The following TYW1B variants were observed in gnomAD, a reference collection of about 807,000 sequenced individuals.
TYW1B encodes the protein S-adenosyl-L-methionine-dependent tRNA 4-demethylwyosine synthase TYW1B.
In TYW1B, 73 loss-of-function variants were observed where a neutral mutation model predicts 86.9. The observed-to-expected ratio is 0.84, with a 90% CI of 0.70 to 1.02. TYW1B has a LOEUF of 1.02. TYW1B is among the 50% of genes least tolerant of loss of function. The pLI is 0.00. For synonymous variants in TYW1B, 248 were observed against 292.8 expected, an observed-to-expected ratio of 0.85 and a Z score of 1.56; for missense variants, 637 against 827.4, an observed-to-expected ratio of 0.77 and a Z score of 2.82.
intron 13 of TYW1B, among the ~76,000 whole-genome samples, chr7:72,615,874 A>T (rs1344491735): frequency 1.3e-5 from 2 of 152,140 alleles, no homozygotes; most frequent in Non-Finnish European, 2.9e-5. Context: ...CTGGAAGATG[A>T]ATCAATAGAA....
At chr7:72,711,470 A>ATTTT (rs1786660933) in intron 10 of TYW1B, among the ~76,000 whole-genome samples, 10 of 45,604 alleles carry the variant, frequency 2.2e-4, no homozygotes, top group East Asian at 4.9e-4. Flanking sequence ...CTCCTCTTTA[A>ATTTT]TTCTTTTTTT....
chr7:72,632,412 C>T (rs1455735220), intron 11 of TYW1B, among the ~76,000 whole-genome samples: 10 of 80,746 alleles, frequency 1.2e-4, no homozygotes, highest in African/African-American at 5.4e-4. Flanking sequence ...TATATATATA[C>T]ATATATATAT....
intron 11 of TYW1B, among the ~76,000 whole-genome samples, chr7:72,657,549 A>T (rs1484621956): frequency 6.6e-6 from 1 of 152,202 alleles, no homozygotes; most frequent in East Asian, 1.9e-4. Context: ...AAGGCACACT[A>T]TAGTCAAGCT....
chr7:72,643,719 A>G (rs1296287347), intron 11 of TYW1B, among the ~76,000 whole-genome samples: 5 of 152,248 alleles, frequency 3.3e-5, no homozygotes, highest in Non-Finnish European at 7.3e-5. Flanking sequence ...AGGGGCAGTT[A>G]CACAAAGTCA....
chr7:72,694,759 C>T lies in TYW1B; in HGVS notation c.1434G>A (p.Lys478=), dbSNP rs1814272580. 6.2e-7 allele frequency: 1 copy of T among 1,611,534 alleles called. No homozygotes were observed. Among genetic ancestry groups the T allele is most frequent in the Non-Finnish European group, 8.5e-7 (1 of 1,179,046 alleles). The change falls in exon 11 of 14, where the codon AAG becomes AAA. Residue 478 remains lysine (K), a synonymous_variant. Transcript: ENST00000620995. ...CCTTGAAGAGTGGGCGGTCGATTTT[C>T]TTCAGGCTGTCTTTGGTACTGGCAT... ...SVDASTKDSL[K]KIDRPLFKDF...
chr7:72,576,197 C>T (rs1347233612), intron 13 of TYW1B, among the ~76,000 whole-genome samples: 2 of 152,204 alleles, frequency 1.3e-5, no homozygotes, highest in African/African-American at 2.4e-5. Context: ...AACTAAATGA[C>T]TCAAACTAGC....
intron 7 of TYW1B, among the ~76,000 whole-genome samples, chr7:72,763,801 T>C (rs533600400): frequency 4.6e-5 from 7 of 152,318 alleles, no homozygotes; most frequent in African/African-American, 1.4e-4. Flanking sequence ...GTTAGGCCCC[T>C]GAAAAGCTTC....
intron 11 of TYW1B, among the ~76,000 whole-genome samples, chr7:72,650,874 G>A (rs1453485636): frequency 1.3e-5 from 2 of 152,116 alleles, no homozygotes; most frequent in Admixed American, 1.3e-4. Flanking sequence ...AAAATAAATG[G>A]AAGACATGGC....
chr7:72,798,463 T>G (rs1324938199), intron 6 of TYW1B, among the ~76,000 whole-genome samples: 1 of 152,038 alleles, frequency 6.6e-6, no homozygotes, highest in Admixed American at 6.6e-5. Flanking sequence ...TTAATGCATA[T>G]CAATCCACCA....
At chr7:72,701,170 T>G (rs1418732561) in intron 10 of TYW1B, among the ~76,000 whole-genome samples, 2 of 152,340 alleles carry the variant, frequency 1.3e-5, no homozygotes, top group Middle Eastern at 3.4e-3. Flanking sequence ...TAGGCTTCCT[T>G]GTAGATGGAT....
At chr7:72,765,376 G>A (rs782453441) in intron 7 of TYW1B, among the ~76,000 whole-genome samples, 4 of 152,116 alleles carry the variant, frequency 2.6e-5, no homozygotes, top group Admixed American at 6.6e-5. Flanking sequence ...TGTTATCTAC[G>A]TGTAGACTGG....
At chr7:72,708,611 T>C (rs1475587777) in intron 10 of TYW1B, among the ~76,000 whole-genome samples, 2 of 152,238 alleles carry the variant, frequency 1.3e-5, no homozygotes, top group African/African-American at 2.4e-5. Flanking sequence ...TGTGTCCTAT[T>C]AGTTAATCTA....
chr7:72,675,550 TATATATACACAC>T (rs1332992861), intron 11 of TYW1B, among the ~76,000 whole-genome samples: 2 of 149,246 alleles, frequency 1.3e-5, no homozygotes, highest in Non-Finnish European at 3.0e-5. Flanking sequence ...TATATATATA[TATATATACACAC>T]ATATATATAT....
chr7:72,641,649 T>C (rs565577046), intron 11 of TYW1B, among the ~76,000 whole-genome samples: 2 of 152,258 alleles, frequency 1.3e-5, no homozygotes, highest in East Asian at 3.9e-4. Flanking sequence ...AAGGGACTGG[T>C]TTACGAGGTA....
In TYW1B at chr7:72,810,466, C is replaced by T. The variant is rs782188365; in HGVS notation, c.432+5G>A. On this transcript the variant is annotated splice_donor_5th_base_variant and intron_variant, in intron 4 of 13. Transcript: ENST00000620995. Reference sequence around the variant, plus strand: ...ATTTATTCCTATAATTCAATATAGACCTACCTTGTTGAAGTGGCTAGCATA... The same window carrying T: ...ATTTATTCCTATAATTCAATATAGATCTACCTTGTTGAAGTGGCTAGCATA... 9 of 1,608,764 alleles carry T rather than the reference C, an allele frequency of 5.6e-6. No homozygotes were observed. In the African/African-American group the frequency reaches 1.1e-4, roughly 19 times the overall value.
At position 72,817,269 on chromosome 7, in the gene TYW1B, T is replaced by C. The variant is rs547631182; in HGVS notation, c.136-1788A>G. ...AAATACAAAAATTAGCCGGGAGTGG[T>C]GGTGGGCACCTGTAATCCCAGCTAC... On this transcript the variant is annotated intron_variant, in intron 2 of 13. Coordinates refer to ENST00000620995, the MANE Select transcript of TYW1B (RefSeq NM_001145440.3). Among the ~76,000 whole-genome samples, 18 of 151,980 alleles carry C rather than the reference T, an allele frequency of 1.2e-4. No homozygotes were observed. The East Asian group carries it at 3.5e-3, about 30-fold the overall frequency.
intron 11 of TYW1B, among the ~76,000 whole-genome samples, chr7:72,691,748 T>G (rs1414786032): frequency 4.6e-5 from 7 of 152,338 alleles, no homozygotes; most frequent in Admixed American, 1.3e-4. Flanking sequence ...GAGGCCTTTT[T>G]GCATTTCTTA....
intron 11 of TYW1B, among the ~76,000 whole-genome samples, chr7:72,644,274 G>A (rs1812872573): frequency 6.6e-6 from 1 of 152,184 alleles, no homozygotes; most frequent in Non-Finnish European, 1.5e-5. Context: ...AGTAGGTAGG[G>A]GGCTGGGGCT....
At chr7:72,620,304 G>T (rs1278080474) in intron 12 of TYW1B, among the ~76,000 whole-genome samples, 1 of 152,198 alleles carries the variant, frequency 6.6e-6, no homozygotes, top group Non-Finnish European at 1.5e-5. Context: ...GGCTGAGGCA[G>T]GAGAATCGCT....
Sources: gnomAD v4.1 joint callset for allele counts (sites outside exome capture counted in the v4.1 genomes callset) on GRCh38, gnomAD v4.1.1 for gene constraint, MANE v1.5 for transcripts, NCBI Gene and HGNC (gene_info 2026-07-23, HGNC 2026-07-21) for gene names.